TRAPPC9: variants seen among roughly 807,000 people sequenced by gnomAD.
TRAPPC9 encodes IKK2 binding protein.
A neutral mutation model predicts 124.0 loss-of-function variants in TRAPPC9; 83 were observed. The observed-to-expected ratio is 0.67, with a 90% CI of 0.56 to 0.80. The LOEUF is 0.80. Among genes scored for constraint, TRAPPC9 ranks in the 30% least tolerant of loss-of-function variants. The pLI is 0.00. For synonymous variants in TRAPPC9, 638 were observed against 617.5 expected (o/e 1.03, Z -0.49); for missense variants, 1,302 against 1,508.3 (o/e 0.86, Z 2.27).
At position 140,230,919 on chromosome 8, in the gene TRAPPC9, G is replaced by A. The variant is rs534915558; in HGVS notation, c.2432-9336C>T. 5.9e-5 allele frequency among the ~76,000 whole-genome samples: 9 copies of A among 152,312 alleles called. No homozygotes were observed. In the East Asian group the frequency reaches 1.7e-3, roughly 29 times the overall value. On this transcript the variant is annotated intron_variant, in intron 16 of 22. Coordinates refer to ENST00000438773, the MANE Select transcript of TRAPPC9 (RefSeq NM_001160372.4). ...AATCATCAAGAGAAGTGGAAACTGT[G>A]GCTGGGGCTTTTAGGACCCCTTTTA... is the stretch of plus-strand genomic sequence containing the variant.
intron 17 of TRAPPC9, among the ~76,000 whole-genome samples, chr8:140,148,876 T>A (rs1003548988): frequency 2.6e-5 from 4 of 152,208 alleles, no homozygotes; most frequent in African/African-American, 9.6e-5. Context: ...TTTCTATTTG[T>A]TGTTGTAATC....
chr8:139,977,523 CAGG>C (rs1836560547), intron 19 of TRAPPC9, among the ~76,000 whole-genome samples: 1 of 149,922 alleles, frequency 6.7e-6, no homozygotes, highest in African/African-American at 2.5e-5. Context: ...GAGGCTGAGG[CAGG>C]AGAATGGTGT....
At chr8:140,436,214 A>C (rs2090922) in intron 3 of TRAPPC9, among the ~76,000 whole-genome samples, 74,498 of 151,758 alleles carry the variant, frequency 0.49, 18,608 homozygotes, top group Middle Eastern at 0.59. Context: ...GGCATGATAA[A>C]ACACACCTGT....
intron 17 of TRAPPC9, among the ~76,000 whole-genome samples, chr8:140,201,591 G>A (rs1012569801): frequency 6.6e-6 from 1 of 152,062 alleles, no homozygotes; most frequent in Non-Finnish European, 1.5e-5. Context: ...TCCCCAGAAC[G>A]GATCTAATTT....
chr8:140,258,301 C>A (rs578125763), intron 15 of TRAPPC9, among the ~76,000 whole-genome samples: 15 of 152,252 alleles, frequency 9.9e-5, no homozygotes, highest in African/African-American at 3.6e-4. Flanking sequence ...CGCGTTCACA[C>A]GCTCCCTGGC....
intron 6 of TRAPPC9, among the ~76,000 whole-genome samples, chr8:140,404,277 T>C (rs1336160029): frequency 6.6e-6 from 1 of 151,916 alleles, no homozygotes; most frequent in Non-Finnish European, 1.5e-5. Flanking sequence ...CACAAGAATA[T>C]AGGGGCAAAA....
chr8:140,370,424 G>A (rs1029467372), intron 8 of TRAPPC9, among the ~76,000 whole-genome samples: 1 of 152,136 alleles, frequency 6.6e-6, no homozygotes, highest in Non-Finnish European at 1.5e-5. Flanking sequence ...ACAGGAGTGA[G>A]CCACCGTGCC....
chr8:140,221,432 C>T lies in TRAPPC9; in HGVS notation c.2556+27G>A, dbSNP rs371269706. On this transcript the variant is annotated intron_variant, in intron 17 of 22. Coordinates refer to ENST00000438773, the MANE Select transcript of TRAPPC9 (RefSeq NM_001160372.4). ...TTGCAGAAGCCCGAACGGCACGTGG[C>T]AGATGCCGTCTGCCATACCAACTCA... The T allele has an allele frequency of 3.8e-5, 61 of 1,613,360 alleles. No homozygotes were observed. In the Middle Eastern group the frequency reaches 8.2e-4, roughly 22 times the overall value.
intron 20 of TRAPPC9, among the ~76,000 whole-genome samples, chr8:139,905,917 ACT>A (rs1563911311): frequency 6.6e-6 from 1 of 151,758 alleles, no homozygotes; most frequent in Non-Finnish European, 1.5e-5. Context: ...ACATGGTGAA[ACT>A]CTGTCTCTAC....
chr8:140,427,356 C>A (rs1159854773), intron 4 of TRAPPC9, among the ~76,000 whole-genome samples: 1 of 147,366 alleles, frequency 6.8e-6, no homozygotes, highest in Non-Finnish European at 1.5e-5. Context: ...TAAAATACAT[C>A]TCTCTATATA....
chr8:139,983,321 T>C (rs1837032562), intron 19 of TRAPPC9, among the ~76,000 whole-genome samples: 1 of 152,144 alleles, frequency 6.6e-6, no homozygotes. Flanking sequence ...TTTTCGGTTG[T>C]TTATAAGCCA....
At chr8:139,819,601 T>C (rs1463246129) in intron 21 of TRAPPC9, among the ~76,000 whole-genome samples, 1 of 152,192 alleles carries the variant, frequency 6.6e-6, no homozygotes, top group Non-Finnish European at 1.5e-5. Flanking sequence ...TAAATTCCAC[T>C]GATGAGCACA....
At chr8:140,269,068 G>C (rs561742038) in intron 15 of TRAPPC9, among the ~76,000 whole-genome samples, 1 of 152,210 alleles carries the variant, frequency 6.6e-6, no homozygotes, top group African/African-American at 2.4e-5. Context: ...ATAAGGGTTT[G>C]CGTTAGACAG....
intron 12 of TRAPPC9, among the ~76,000 whole-genome samples, chr8:140,290,152 C>T (rs998664093): frequency 1.3e-5 from 2 of 152,200 alleles, no homozygotes; most frequent in Non-Finnish European, 2.9e-5. Flanking sequence ...CAGGGCCTGA[C>T]CATCTCTGTC....
chr8:140,129,604 C>G (rs561176447), intron 17 of TRAPPC9, among the ~76,000 whole-genome samples: 2 of 152,232 alleles, frequency 1.3e-5, no homozygotes, highest in East Asian at 3.9e-4. Context: ...CGATGGGAGA[C>G]TGGGTACACA....
chr8:139,903,845 A>G (rs2015218), intron 20 of TRAPPC9, among the ~76,000 whole-genome samples: 69,346 of 151,914 alleles, frequency 0.46, 17,031 homozygotes, highest in African/African-American at 0.65. Flanking sequence ...GTTCGAGACC[A>G]GCCTGGCCAA....
chr8:140,404,816 ATG>A (rs1564002255), intron 6 of TRAPPC9, among the ~76,000 whole-genome samples: 1 of 141,862 alleles, frequency 7.0e-6, no homozygotes, highest in Non-Finnish European at 1.5e-5. Context: ...ACATGTGTGT[ATG>A]TGCATGTGTG....
At chr8:139,979,521 A>G (rs544137321) in intron 19 of TRAPPC9, among the ~76,000 whole-genome samples, 1 of 152,262 alleles carries the variant, frequency 6.6e-6, no homozygotes, top group South Asian at 2.1e-4. Context: ...TAAATATGCC[A>G]ATGCCCAGGC....
At chr8:140,148,675 C>T (rs1031173147) in intron 17 of TRAPPC9, among the ~76,000 whole-genome samples, 11 of 152,154 alleles carry the variant, frequency 7.2e-5, no homozygotes, top group South Asian at 4.1e-4. Flanking sequence ...CTTTCCTTTC[C>T]GGTATGCCTT....
Sources: allele counts gnomAD v4.1 joint callset (sites outside exome capture counted in the v4.1 genomes callset), GRCh38; gene constraint gnomAD v4.1.1; transcripts MANE v1.5; gene names NCBI Gene and HGNC (gene_info 2026-07-23, HGNC 2026-07-21).